The following MORC1 variants were observed in gnomAD, a reference collection of about 807,000 sequenced individuals.
MORC1 encodes MORC family CW-type zinc finger protein 1.
MORC1 carries 59 observed loss-of-function variants against 134.9 expected under a neutral mutation model. The ratio of observed to expected loss-of-function variants is 0.44; its 90% CI spans 0.35 to 0.54. The LOEUF (loss-of-function observed/expected upper bound fraction) is 0.54. MORC1 is among the 20% of genes least tolerant of loss of function. The pLI, the probability that MORC1 is intolerant of heterozygous loss-of-function variation, is 0.00. For missense variants in MORC1, 947 were observed against 1,134.5 expected, an observed-to-expected ratio of 0.83 and a Z score of 2.37; for synonymous variants, 395 against 391.7, an observed-to-expected ratio of 1.01 and a Z score of -0.10.
At chr3:109,112,780 A>C (rs1202739296) in intron 2 of MORC1, among the ~76,000 whole-genome samples, 5 of 152,168 alleles carry the variant, frequency 3.3e-5, no homozygotes, top group Non-Finnish European at 7.4e-5. Flanking sequence ...CCTTTTCTTT[A>C]TAAACACTGT....
At chr3:109,073,266 T>C (rs1358374823) in intron 8 of MORC1, among the ~76,000 whole-genome samples, 1 of 152,288 alleles carries the variant, frequency 6.6e-6, no homozygotes, top group South Asian at 2.1e-4. Context: ...GTCATCAAAC[T>C]GTGTTAAGGG....
At chr3:109,109,478 T>G (rs748139392) in intron 3 of MORC1, among the ~76,000 whole-genome samples, 1 of 152,210 alleles carries the variant, frequency 6.6e-6, no homozygotes, top group African/African-American at 2.4e-5. Flanking sequence ...TCCTGGAGTA[T>G]CTGACAAAAA....
At chr3:109,012,439 A>T (rs781426329) in intron 17 of MORC1, among the ~76,000 whole-genome samples, 9 of 152,168 alleles carry the variant, frequency 5.9e-5, no homozygotes, top group Non-Finnish European at 1.0e-4. Flanking sequence ...CATGCCATAT[A>T]AATTTTAGAA....
At chr3:109,097,985 A>G (rs1173020755) in intron 6 of MORC1, among the ~76,000 whole-genome samples, 1 of 142,794 alleles carries the variant, frequency 7.0e-6, no homozygotes, top group Admixed American at 6.8e-5. Context: ...AGGTTAATAG[A>G]TAATGCCTAG....
At chr3:109,009,868 A>G (rs1261249140) in intron 17 of MORC1, among the ~76,000 whole-genome samples, 3 of 152,116 alleles carry the variant, frequency 2.0e-5, no homozygotes, top group African/African-American at 7.2e-5. Flanking sequence ...TGCCTGATTT[A>G]TACCTTTAAA....
chr3:109,006,905 A>G (rs1948552920), intron 18 of MORC1, 124 bp downstream of exon 18: 1 of 544,326 alleles, frequency 1.8e-6, no homozygotes, highest in Non-Finnish European at 3.0e-6. Flanking sequence ...ATGGCAGTTA[A>G]AATCTACTAG....
At chr3:108,964,076 T>C (rs2107358451) in intron 26 of MORC1, among the ~76,000 whole-genome samples, 1 of 152,340 alleles carries the variant, frequency 6.6e-6, no homozygotes. Flanking sequence ...GGCTGTAGCA[T>C]CTAGAAAGCA....
Position 109,063,159 on chromosome 3 carries a change from T to C in MORC1, c.888A>G (p.Val296=), listed in dbSNP as rs1284032286. 4 of 1,594,840 alleles carry C rather than the reference T, an allele frequency of 2.5e-6. No individual in the cohort carries two copies. Among genetic ancestry groups the C allele is most frequent in the Admixed American group, 1.7e-5 (1 of 59,994 alleles). ...CTACAGGTAATCGCATACCAATCTTTACTGCTTCTTCTGCCTTTTTAACTT... is the reference window on the plus strand; with the variant it reads ...CTACAGGTAATCGCATACCAATCTTCACTGCTTCTTCTGCCTTTTTAACTT... ...KDEVKKAEEA[V]KIAESILKEA... Residue 296 remains valine, a synonymous_variant, in exon 10 of 28, where the codon GTA becomes GTG. Coordinates refer to ENST00000232603, the MANE Select transcript of MORC1 (RefSeq NM_014429.4).
In MORC1 at chr3:108,982,164, A is replaced by C. The variant is rs189273217; in HGVS notation, c.2325-2497T>G. ...GACACATGAAAAGACGCTCATCATC[A>C]CTGGTCACCAGAGAAATGCAAATCA... On this transcript the variant is annotated intron_variant, in intron 23 of 27. Coordinates refer to ENST00000232603, the MANE Select transcript of MORC1 (RefSeq NM_014429.4). 3.6e-3 allele frequency among the ~76,000 whole-genome samples: 547 copies of C among 152,324 alleles called. 4 individuals are homozygous for C. Among genetic ancestry groups the C allele is most frequent in the South Asian group, 0.013 (61 of 4,832 alleles).
chr3:108,969,920 G>T (rs1250905119), intron 25 of MORC1, among the ~76,000 whole-genome samples, 198 bp from the exon 26 acceptor site: 1 of 152,128 alleles, frequency 6.6e-6, no homozygotes, highest in Non-Finnish European at 1.5e-5. Context: ...TCCAAAAAAG[G>T]ATTAAGTCAG....
At chr3:109,087,193 G>A (rs1235513484) in intron 8 of MORC1, among the ~76,000 whole-genome samples, 1 of 151,322 alleles carries the variant, frequency 6.6e-6, no homozygotes, top group Non-Finnish European at 1.5e-5. Context: ...AAGGGAGAGT[G>A]AGGTATATGA....
At chr3:109,017,765 A>G (rs1034206054) in intron 17 of MORC1, among the ~76,000 whole-genome samples, 4 of 152,168 alleles carry the variant, frequency 2.6e-5, no homozygotes, top group African/African-American at 9.7e-5. Flanking sequence ...TTTTATCATC[A>G]TCATCATCTT....
At chr3:109,022,125 CTT>C (rs1948972600) in intron 17 of MORC1, among the ~76,000 whole-genome samples, 7 of 152,016 alleles carry the variant, frequency 4.6e-5, no homozygotes, top group Admixed American at 3.9e-4. Context: ...AGAATAGCCT[CTT>C]GTTAGACAAG....
In MORC1 at chr3:109,061,999, A is replaced by T. The variant is rs759913575; in HGVS notation, c.955T>A (p.Ser319Thr). Residue 319 changes from serine (S) to threonine (T), a missense_variant, in exon 11 of 28, where the codon TCT (serine) becomes ACT (threonine). Physicochemically the swap from Ser to Thr is moderately conservative, Grantham distance 58. This residue lies in a region of MORC1 where 722 missense variants were observed against 817.0 expected (regional missense o/e 0.88). Coordinates refer to ENST00000232603, the MANE Select transcript of MORC1 (RefSeq NM_014429.4). ...TTTACATGTCGTACCTTGGCAGAAG[A>T]TAAAGAGGTTCTGTCACACTGGTTT... Reference protein sequence around the residue: ...KVNQCDRTSLSSAKDVLQRAL... With the variant: ...KVNQCDRTSLTSAKDVLQRAL... The T allele has an allele frequency of 2.5e-6, 4 of 1,613,850 alleles. No individual in the cohort carries two copies. The highest frequency in any genetic ancestry group is 3.4e-6 in the Non-Finnish European group (4 of 1,179,868).
chr3:109,075,455 T>C (rs1230788151), intron 8 of MORC1, among the ~76,000 whole-genome samples: 1 of 152,224 alleles, frequency 6.6e-6, no homozygotes, highest in African/African-American at 2.4e-5. Context: ...TTTAAGTCTT[T>C]AATCCATCTT....
At position 108,958,644 on chromosome 3, in the gene MORC1, C is replaced by T. The variant is rs1208022912; in HGVS notation, c.*321G>A. 1 of 157,292 alleles carries T rather than the reference C, an allele frequency of 6.4e-6. No individual in the cohort carries two copies. Among genetic ancestry groups the T allele is most frequent in the South Asian group, 2.0e-4 (1 of 4,918 alleles). 9.7% of individuals were successfully genotyped at this position (157,292 alleles called of 1,614,324 possible). Reference sequence around the variant, plus strand: ...GGAATAACAAAATTACAATAACAATCTTTTAAGGAATAACAAAAGTTAAGC... The same window carrying T: ...GGAATAACAAAATTACAATAACAATTTTTTAAGGAATAACAAAAGTTAAGC... On this transcript the variant is annotated 3_prime_UTR_variant, in exon 28 of 28. Transcript: ENST00000232603.
intron 14 of MORC1, among the ~76,000 whole-genome samples, chr3:109,037,921 A>T (rs888256320): frequency 5.3e-5 from 8 of 152,136 alleles, no homozygotes; most frequent in Non-Finnish European, 1.2e-4. Flanking sequence ...ATGTGTCTTT[A>T]TAGCAGCATG....
intron 17 of MORC1, among the ~76,000 whole-genome samples, chr3:109,014,250 T>G (rs779195769): frequency 1.3e-5 from 2 of 152,238 alleles, no homozygotes; most frequent in African/African-American, 4.8e-5. Context: ...CAATGTCTAA[T>G]AGTTACATGT....
intron 7 of MORC1, among the ~76,000 whole-genome samples, 194 bp downstream of exon 7, chr3:109,094,715 G>C (rs575915159): frequency 6.6e-6 from 1 of 152,162 alleles, no homozygotes; most frequent in African/African-American, 2.4e-5. Context: ...CCTTCTCCCA[G>C]TGTCAGGGAT....
Sources: gnomAD v4.1 joint callset for allele counts (sites outside exome capture counted in the v4.1 genomes callset) on GRCh38, gnomAD v4.1.1 for gene constraint, gnomAD v4.1.1 regional missense constraint, MANE v1.5 for transcripts, NCBI Gene and HGNC (gene_info 2026-07-23, HGNC 2026-07-21) for gene names.